Variants in VPS13C observed in about 807,000 individuals in gnomAD.
VPS13C encodes intermembrane lipid transfer protein VPS13C.
In VPS13C, 358 loss-of-function variants were observed where a neutral mutation model predicts 456.8. The ratio of observed to expected loss-of-function variants is 0.78; its 90% confidence interval spans 0.72 to 0.86. The LOEUF (loss-of-function observed/expected upper bound fraction) is 0.86. Ranked by LOEUF, VPS13C falls within the 40% of genes least tolerant of loss-of-function variation. The pLI is 0.00. For synonymous variants in VPS13C, 1,578 were observed against 1,486.7 expected, an observed-to-expected ratio of 1.06 and a Z score of -1.41; for missense variants, 4,818 against 4,385.4, an observed-to-expected ratio of 1.10 and a Z score of -2.79.
At chr15:61,998,513 G>A (rs1596452461) in intron 16 of VPS13C, among the ~76,000 whole-genome samples, 1 of 152,246 alleles carries the variant, frequency 6.6e-6, no homozygotes, top group East Asian at 1.9e-4. Flanking sequence ...GAATTATGAG[G>A]TACTCCTAAC....
At chr15:62,042,699 T>C (rs962564973) in intron 2 of VPS13C, among the ~76,000 whole-genome samples, 1 of 151,912 alleles carries the variant, frequency 6.6e-6, no homozygotes, top group Non-Finnish European at 1.5e-5. Flanking sequence ...TAAATGTAAA[T>C]AACCCATATA....
Position 62,010,587 on chromosome 15 carries a change from A to G in VPS13C, c.896T>C (p.Ile299Thr). 6.2e-7 allele frequency: 1 copy of G among 1,610,814 alleles called. No homozygotes were observed. The highest frequency in any genetic ancestry group is 8.5e-7 in the Non-Finnish European group (1 of 1,178,834). The change falls in exon 13 of 85, where the codon ATA (isoleucine) becomes ACA (threonine). Residue 299 changes from isoleucine (I) to threonine (T), a missense_variant. Ile to Thr is a moderately conservative substitution (Grantham distance 89). Coordinates refer to ENST00000644861, the MANE Select transcript of VPS13C (RefSeq NM_020821.3). The part of the protein sequence containing the change: ...PPNYQYIFQP[I>T]SASAKLYMNP... ...CATGTAGAGTTTTGCAGAGGCTGATATTGGCTGGAAAACTTACATCACATG... is the reference window on the plus strand; with the variant it reads ...CATGTAGAGTTTTGCAGAGGCTGATGTTGGCTGGAAAACTTACATCACATG...
At chr15:62,050,335 G>A (rs973890875) in intron 1 of VPS13C, among the ~76,000 whole-genome samples, 10 of 152,190 alleles carry the variant, frequency 6.6e-5, no homozygotes, top group Non-Finnish European at 1.3e-4. Context: ...ATGCTGGACT[G>A]ACAGGCCCAT....
chr15:61,907,487 C>T (rs143559761), intron 65 of VPS13C, 97 bp from the exon 66 acceptor site: 12 of 1,443,254 alleles, frequency 8.3e-6, no homozygotes, highest in Middle Eastern at 1.8e-4. Context: ...AGAAGTCCTA[C>T]GAAATTGCTG....
At chr15:61,977,007 T>C (rs2045721642) in intron 24 of VPS13C, 75 bp downstream of exon 24, 2 of 1,032,128 alleles carry the variant, frequency 1.9e-6, no homozygotes, top group South Asian at 3.0e-5. Context: ...TATCTTTGCT[T>C]CCTTAAATTC....
chr15:61,897,282 C>T (rs1291278460), intron 66 of VPS13C, among the ~76,000 whole-genome samples: 1 of 152,112 alleles, frequency 6.6e-6, no homozygotes, highest in Non-Finnish European at 1.5e-5. Context: ...GAGAAGAAGG[C>T]TTCAGACGAT....
chr15:61,936,583 T>G lies in VPS13C; in HGVS notation c.5755+14A>C. 6.6e-7 allele frequency: 1 copy of G among 1,516,108 alleles called. No individual in the cohort carries two copies. The highest frequency in any genetic ancestry group is 8.8e-7 in the Non-Finnish European group (1 of 1,133,840). 93.9% of individuals were successfully genotyped at this position (1,516,108 alleles called of 1,614,324 possible). ...CAATTTTTTCTCCATAAAGTAAATATCATCAATTTATACCTTTGAGATGGT... is the reference window on the plus strand; with the variant it reads ...CAATTTTTTCTCCATAAAGTAAATAGCATCAATTTATACCTTTGAGATGGT... On this transcript the variant is annotated intron_variant, in intron 48 of 84. Coordinates refer to ENST00000644861, the MANE Select transcript of VPS13C (RefSeq NM_020821.3).
Position 61,972,630 on chromosome 15 carries a change from T to C in VPS13C, c.2752A>G (p.Lys918Glu). The change falls in exon 27 of 85, where the codon AAA (lysine) becomes GAA (glutamate). Residue 918 changes from lysine (K) to glutamate (E), a missense_variant. Lys to Glu is a moderately conservative substitution (Grantham distance 56, BLOSUM62 1). Transcript: ENST00000644861. ...ATAGACAAAAAAGCACATACTTCTTTAATTTCAAACTTGAGTAGAAGATTG... is the reference window on the plus strand; with the variant it reads ...ATAGACAAAAAAGCACATACTTCTTCAATTTCAAACTTGAGTAGAAGATTG... ...LINLLLKFEI[K>E]EVILEFTKQQ... 3.7e-6 allele frequency: 6 copies of C among 1,612,688 alleles called. No individual in the cohort carries two copies. The highest frequency in any genetic ancestry group is 5.1e-6 in the Non-Finnish European group (6 of 1,179,470).
chr15:62,011,562 A>G (rs1199950715), intron 12 of VPS13C, among the ~76,000 whole-genome samples: 1 of 151,992 alleles, frequency 6.6e-6, no homozygotes, highest in Non-Finnish European at 1.5e-5. Flanking sequence ...CTAATAAAAA[A>G]CCAATAGCTT....
At chr15:61,873,799 A>T (rs962721979) in intron 77 of VPS13C, among the ~76,000 whole-genome samples, 5 of 152,122 alleles carry the variant, frequency 3.3e-5, no homozygotes, top group African/African-American at 2.4e-5. Flanking sequence ...CTACCGTATG[A>T]TCCAGCAATC....
In VPS13C at chr15:61,908,879, T is replaced by C; in HGVS notation, c.8978+113A>G. 8 of 1,259,694 alleles carry C rather than the reference T, an allele frequency of 6.4e-6. No homozygotes were observed. The South Asian group carries it at 1.1e-4, about 17-fold the overall frequency. The allele number at this position is 1,259,694 out of a possible 1,614,324, so 78.0% of individuals were successfully genotyped here. A position where few individuals can be genotyped will look rare whatever the true frequency, so the allele number is the denominator to read the frequency against. ...GGGTATTAAAGATAAATACCATGTGTTCCATATCACCTTTCTAAAATCTAA... is the reference window on the plus strand; with the variant it reads ...GGGTATTAAAGATAAATACCATGTGCTCCATATCACCTTTCTAAAATCTAA... On this transcript the variant is annotated intron_variant, in intron 65 of 84. Coordinates refer to ENST00000644861, the MANE Select transcript of VPS13C (RefSeq NM_020821.3).
intron 15 of VPS13C, 94 bp downstream of exon 15, chr15:62,007,214 T>C (rs2046881218): frequency 9.9e-7 from 1 of 1,013,230 alleles, no homozygotes; most frequent in East Asian, 3.0e-5. Flanking sequence ...ATTCTGTTCT[T>C]CCTAAAATTA....
At chr15:61,881,917 T>A in intron 69 of VPS13C, 89 bp from the exon 70 acceptor site, 1 of 1,156,634 alleles carries the variant, frequency 8.6e-7, no homozygotes, top group Non-Finnish European at 1.2e-6. Context: ...GCCACCACTT[T>A]CATCATAATT....
chr15:61,971,655 G>A (rs562524954), intron 27 of VPS13C, among the ~76,000 whole-genome samples: 172 of 152,308 alleles, frequency 1.1e-3, no homozygotes, highest in African/African-American at 4.0e-3. Flanking sequence ...AAATAATCCA[G>A]GGAAGAAGAT....
intron 15 of VPS13C, among the ~76,000 whole-genome samples, chr15:62,006,190 G>A (rs1232730525): frequency 6.6e-6 from 1 of 151,606 alleles, no homozygotes; most frequent in Non-Finnish European, 1.5e-5. Flanking sequence ...TGCCATGTTG[G>A]TGTGCTGCAC....
chr15:61,955,294 G>A (rs2044949428), intron 37 of VPS13C, among the ~76,000 whole-genome samples: 1 of 152,098 alleles, frequency 6.6e-6, no homozygotes, highest in Non-Finnish European at 1.5e-5. Context: ...TTATTTCAGA[G>A]ATGGGCAAAT....
rs747473710 is a variant in VPS13C, at chr15:61,981,379, T to A, written c.2129A>T (p.Lys710Met). 1.7e-5 allele frequency: 27 copies of A among 1,611,474 alleles called. No individual in the cohort carries two copies. In the African/African-American group the frequency reaches 2.4e-4, roughly 14 times the overall value. Residue 710 changes from lysine (K) to methionine (M), a missense_variant, in exon 22 of 85, where the codon AAG becomes ATG. Around this residue, in one of 3 missense-constraint regions of VPS13C, gnomAD observed 4,552 missense variants for 4,130.6 expected, o/e 1.10. Transcript: ENST00000644861. ...VVPQTGFHHE[K>M]SDLLILDFGT... ...AAAATCTAAAATCAGAAGATCTGAC[T>A]TTTCATGGTGGAAACCCGTCTGTGG...
chr15:61,975,865 T>G (rs968109242), intron 24 of VPS13C, among the ~76,000 whole-genome samples: 4 of 152,006 alleles, frequency 2.6e-5, no homozygotes, highest in African/African-American at 7.2e-5. Context: ...TCCAAAAATA[T>G]TTTTAAAAAT....
At chr15:61,863,799 T>C (rs973009084) in intron 81 of VPS13C, 3 of 270,224 alleles carry the variant, frequency 1.1e-5, no homozygotes, top group Non-Finnish European at 2.1e-5. Flanking sequence ...AACTTAGAAA[T>C]ATTAAAATAT....
Sources: gnomAD v4.1 joint callset for allele counts (sites outside exome capture counted in the v4.1 genomes callset) on GRCh38, gnomAD v4.1.1 for gene constraint, gnomAD v4.1.1 regional missense constraint, MANE v1.5 for transcripts, NCBI Gene and HGNC (gene_info 2026-07-23, HGNC 2026-07-21) for gene names.